The following ROR2 variants were observed in gnomAD, a reference collection of about 807,000 sequenced individuals.
The protein encoded by ROR2 is ROR family WNT receptor 2.
A neutral mutation model predicts 74.9 loss-of-function variants in ROR2; 33 were observed. The ratio of observed to expected loss-of-function variants is 0.44; its 90% CI spans 0.33 to 0.59. ROR2 has a LOEUF of 0.59. Ranked by LOEUF, ROR2 falls within the 20% of genes least tolerant of loss-of-function variation. The probability of loss-of-function intolerance (pLI) is 0.02; values close to 1 mark genes in which losing one functional copy is unlikely to be tolerated. For synonymous variants in ROR2, 586 were observed against 558.7 expected (o/e 1.05, Z -0.69); for missense variants, 1,216 against 1,313.8 (o/e 0.93, Z 1.15).
chr9:91,821,612 C>G (rs1649654110), intron 1 of ROR2, among the ~76,000 whole-genome samples: 1 of 152,208 alleles, frequency 6.6e-6, no homozygotes, highest in Non-Finnish European at 1.5e-5. Context: ...CTTACTCCCC[C>G]TGTCCTCGTT....
chr9:91,836,558 T>C (rs901607029), intron 1 of ROR2, among the ~76,000 whole-genome samples: 3 of 138,244 alleles, frequency 2.2e-5, no homozygotes, highest in African/African-American at 8.5e-5. Flanking sequence ...AAAAAAACAG[T>C]CTGCAGCTGA....
intron 4 of ROR2, among the ~76,000 whole-genome samples, chr9:91,743,482 A>G (rs1359824940): frequency 6.6e-6 from 1 of 152,194 alleles, no homozygotes; most frequent in Non-Finnish European, 1.5e-5. Flanking sequence ...GAGGCAGGAC[A>G]ATCGCTTGAA....
In ROR2 at chr9:91,737,557, G is replaced by A. The variant is rs375270961; in HGVS notation, c.495-39C>T. The A allele has an allele frequency of 6.4e-5, 103 of 1,613,948 alleles. No individual in the cohort carries two copies. In the African/African-American group the frequency reaches 1.2e-3, roughly 18 times the overall value. ...CACAAAGTCTGTTAGAGCTCTGGGA[G>A]GTGCCAGGTCCCGCCAATGACTTCT... On this transcript the variant is annotated intron_variant, in intron 4 of 8. Coordinates refer to ENST00000375708, the MANE Select transcript of ROR2 (RefSeq NM_004560.4).
intron 1 of ROR2, among the ~76,000 whole-genome samples, chr9:91,847,491 T>C (rs1828965975): frequency 6.6e-6 from 1 of 152,200 alleles, no homozygotes; most frequent in South Asian, 2.1e-4. Context: ...GGCTCCCTAA[T>C]GCAGTCCCCC....
At chr9:91,826,372 A>G (rs1170728560) in intron 1 of ROR2, among the ~76,000 whole-genome samples, 1 of 152,158 alleles carries the variant, frequency 6.6e-6, no homozygotes, top group East Asian at 1.9e-4. Context: ...TAAACCTTAC[A>G]TTTTTATTTG....
At chr9:91,884,189 C>G (rs1302702816) in intron 1 of ROR2, among the ~76,000 whole-genome samples, 1 of 152,196 alleles carries the variant, frequency 6.6e-6, no homozygotes, top group African/African-American at 2.4e-5. Context: ...TCAGTTTGAC[C>G]TGTCCCTCAT....
intron 1 of ROR2, among the ~76,000 whole-genome samples, chr9:91,944,048 C>T (rs899745318): frequency 2.0e-5 from 3 of 152,158 alleles, no homozygotes; most frequent in East Asian, 1.9e-4. Context: ...CGTTGCTCAA[C>T]GATGACGATA....
intron 1 of ROR2, among the ~76,000 whole-genome samples, chr9:91,885,868 CTTTTTTTTTTTTT>C (rs542499117): frequency 2.8e-5 from 3 of 108,158 alleles, no homozygotes; most frequent in African/African-American, 3.7e-5. Context: ...GTATGGTTTC[CTTTTTTTTTTTTT>C]TTTTTTTTTG....
intron 1 of ROR2, among the ~76,000 whole-genome samples, chr9:91,863,477 T>C (rs1448210154): frequency 6.6e-6 from 1 of 152,030 alleles, no homozygotes; most frequent in Non-Finnish European, 1.5e-5. Flanking sequence ...GATAGATAGA[T>C]AGAAATGTGG....
intron 1 of ROR2, among the ~76,000 whole-genome samples, chr9:91,809,606 C>G (rs572016429): frequency 9.2e-5 from 14 of 152,366 alleles, no homozygotes; most frequent in Non-Finnish European, 1.8e-4. Flanking sequence ...AGGGCCAAAG[C>G]CAAATCCTGC....
intron 1 of ROR2, among the ~76,000 whole-genome samples, chr9:91,784,757 C>CA (rs1826738011): frequency 6.6e-6 from 1 of 152,218 alleles, no homozygotes; most frequent in South Asian, 2.1e-4. Context: ...TGGCCCTACT[C>CA]AAAATGTCAA....
At chr9:91,809,247 GATAC>G (rs1280619690) in intron 1 of ROR2, among the ~76,000 whole-genome samples, 1 of 152,074 alleles carries the variant, frequency 6.6e-6, no homozygotes, top group Non-Finnish European at 1.5e-5. Flanking sequence ...AAACCAAAAG[GATAC>G]ATGCAGATAA....
chr9:91,778,629 T>C (rs1299468930), intron 1 of ROR2, among the ~76,000 whole-genome samples: 2 of 152,202 alleles, frequency 1.3e-5, no homozygotes, highest in Non-Finnish European at 2.9e-5. Flanking sequence ...AGGACTTCAA[T>C]ATATTTTTCT....
chr9:91,726,512 C>T (rs148246774), intron 8 of ROR2, 29 bp downstream of exon 8: 2 of 1,604,692 alleles, frequency 1.2e-6, no homozygotes, highest in Non-Finnish European at 1.7e-6. Context: ...GGAAGAGCCA[C>T]CCGGGTAGAA....
chr9:91,741,301 GTAGTAATAATAATAA>G (rs769258217), intron 4 of ROR2, among the ~76,000 whole-genome samples: 9 of 100,614 alleles, frequency 8.9e-5, no homozygotes, highest in African/African-American at 2.4e-4. Flanking sequence ...TCTGTCTCAA[GTAGTAATAATAATAA>G]TAATAATAAT....
At chr9:91,889,392 C>T (rs1465104682) in intron 1 of ROR2, among the ~76,000 whole-genome samples, 1 of 152,192 alleles carries the variant, frequency 6.6e-6, no homozygotes, top group Non-Finnish European at 1.5e-5. Flanking sequence ...ATGAAGGCGC[C>T]CCAATAGGAC....
At chr9:91,906,640 T>C (rs544176105) in intron 1 of ROR2, among the ~76,000 whole-genome samples, 1 of 152,242 alleles carries the variant, frequency 6.6e-6, no homozygotes, top group Non-Finnish European at 1.5e-5. Context: ...TTTTCTTAAG[T>C]CATGGTCAAT....
chr9:91,749,517 A>G (rs962245434), intron 4 of ROR2, among the ~76,000 whole-genome samples: 2 of 152,220 alleles, frequency 1.3e-5, no homozygotes, highest in African/African-American at 4.8e-5. Flanking sequence ...CTCTGTCACC[A>G]CATGAATTTG....
intron 4 of ROR2, among the ~76,000 whole-genome samples, chr9:91,745,428 T>TTTTC (rs1191504279): frequency 1.6e-5 from 2 of 125,846 alleles, no homozygotes; most frequent in African/African-American, 5.6e-5. Flanking sequence ...CCCAGCCTAT[T>TTTTC]TTTTTTTTTT....
Sources: gnomAD v4.1 joint callset for allele counts (sites outside exome capture counted in the v4.1 genomes callset) on GRCh38, gnomAD v4.1.1 for gene constraint, MANE v1.5 for transcripts, NCBI Gene and HGNC (gene_info 2026-07-23, HGNC 2026-07-21) for gene names.